CWF19L1: variants seen among roughly 807,000 people sequenced by gnomAD.
The protein encoded by CWF19L1 is CWF19 like cell cycle control factor 1, also known as CWF19-like protein 1.
A neutral mutation model predicts 69.7 loss-of-function variants in CWF19L1; 60 were observed. That is an observed-to-expected ratio of 0.86 (90% CI 0.70 to 1.07). CWF19L1 has a LOEUF of 1.07. Among genes scored for constraint, CWF19L1 ranks in the 50% least tolerant of loss-of-function variants. CWF19L1 has a pLI of 0.00. For synonymous variants in CWF19L1, 209 were observed against 222.2 expected, an observed-to-expected ratio of 0.94 and a Z score of 0.53; for missense variants, 591 against 638.9, an observed-to-expected ratio of 0.92 and a Z score of 0.81.
chr10:100,248,949 AG>A (rs1430822463), intron 7 of CWF19L1: 43 of 764,412 alleles, frequency 5.6e-5, no homozygotes, highest in Non-Finnish European at 5.8e-5. Flanking sequence ...TGGCCACCGC[AG>A]GGAACAGCCT....
Position 100,256,339 on chromosome 10 carries a change from T to C in CWF19L1, c.427A>G (p.Thr143Ala), listed in dbSNP as rs1847212553. 1 of 1,613,996 alleles carries C rather than the reference T, an allele frequency of 6.2e-7. No individual in the cohort carries two copies. Among genetic ancestry groups the C allele is most frequent in the Non-Finnish European group, 8.5e-7 (1 of 1,179,972 alleles). Reference protein sequence around the residue: ...VSSLRMMLCTTSQFKGVDILL... With the variant: ...VSSLRMMLCTASQFKGVDILL... ...ATATCAACACCCTTAAACTGGGAGG[T>C]TGTACACAGCATCATTCTCAGAGAA... Residue 143 changes from threonine (T) to alanine (A), a missense_variant, in exon 5 of 14, where the codon ACC becomes GCC. Physicochemically the swap from Thr to Ala is moderately conservative, Grantham distance 58. Coordinates refer to ENST00000354105, the MANE Select transcript of CWF19L1 (RefSeq NM_018294.6).
At position 100,243,732 on chromosome 10, in the gene CWF19L1, A is replaced by G. The variant is rs1846710848; in HGVS notation, c.1010T>C (p.Val337Ala). The change falls in exon 10 of 14, where the codon GTG becomes GCG. Residue 337 changes from valine to alanine, a missense_variant. Transcript: ENST00000354105. ...PCWFCLASPEVEKHLVVNIGT... is the reference protein window; with the variant it reads ...PCWFCLASPEAEKHLVVNIGT... The stretch of plus-strand genomic sequence containing the variant: ...GATGTTGACCACCAAATGTTTTTCC[A>G]CTTCAGGGCTAGCAAGGCAAAACCA... 1 of 1,614,186 alleles carries G rather than the reference A, an allele frequency of 6.2e-7. No individual in the cohort carries two copies. The highest frequency in any genetic ancestry group is 8.5e-7 in the Non-Finnish European group (1 of 1,180,006).
chr10:100,260,107 A>C, intron 4 of CWF19L1, 111 bp downstream of exon 4: 1 of 632,826 alleles, frequency 1.6e-6, no homozygotes, highest in Non-Finnish European at 2.8e-6. Flanking sequence ...GGTGGAGGTT[A>C]CAGTGAGCCA....
At chr10:100,238,857 G>T (rs956852392) in intron 10 of CWF19L1, among the ~76,000 whole-genome samples, 7 of 150,518 alleles carry the variant, frequency 4.7e-5, no homozygotes, top group African/African-American at 1.2e-4. Flanking sequence ...GCTTGAACCC[G>T]GGAGGCAGAG....
intron 7 of CWF19L1, chr10:100,248,412 C>G (rs7079072): frequency 0.46 from 333,856 of 723,502 alleles, 80,894 homozygotes; most frequent in African/African-American, 0.65. Context: ...CACTGTGGTA[C>G]GGGAAGGGAC....
rs544539108 is a variant in CWF19L1, at chr10:100,264,296, A to G, written c.24-2233T>C. Among the ~76,000 whole-genome samples, 88 of 152,372 alleles carry G rather than the reference A, an allele frequency of 5.8e-4. No individual in the cohort carries two copies. In the South Asian group the frequency reaches 0.014, roughly 24 times the overall value. On this transcript the variant is annotated intron_variant, in intron 1 of 13. Transcript: ENST00000354105. Reference sequence around the variant, plus strand: ...TGCGGTGGCTTACGCCTGTAATCCCAGCACTTTGGGAGGCCAAGGCGAGCG... The same window carrying G: ...TGCGGTGGCTTACGCCTGTAATCCCGGCACTTTGGGAGGCCAAGGCGAGCG...
chr10:100,262,447 ATC>A, intron 1 of CWF19L1: 1 of 985,250 alleles, frequency 1.0e-6, no homozygotes, highest in Non-Finnish European at 1.2e-6. Context: ...GACTCCTCCT[ATC>A]TTAGTACGAC....
chr10:100,263,788 TC>T (rs1268704984), intron 1 of CWF19L1, among the ~76,000 whole-genome samples: 9 of 152,194 alleles, frequency 5.9e-5, no homozygotes, highest in Admixed American at 5.2e-4. Context: ...TGATTTTACT[TC>T]CTTAATAAAC....
chr10:100,243,964 A>G (rs2134287378), intron 9 of CWF19L1, among the ~76,000 whole-genome samples, 187 bp from the exon 10 acceptor site: 1 of 152,360 alleles, frequency 6.6e-6, no homozygotes, highest in East Asian at 1.9e-4. Context: ...TTAAACTTCC[A>G]TTAGAATTTG....
chr10:100,266,345 A>ATT (rs67561203), intron 1 of CWF19L1, among the ~76,000 whole-genome samples: 1 of 143,784 alleles, frequency 7.0e-6, no homozygotes, highest in Admixed American at 6.9e-5. Flanking sequence ...CGCCCGGCTA[A>ATT]TTTTTTTTTT....
chr10:100,246,801 G>A lies in CWF19L1; in HGVS notation c.843C>T (p.Ala281=). Residue 281 remains alanine, a synonymous_variant, in exon 8 of 14, where the codon GCC becomes GCT. Coordinates refer to ENST00000354105, the MANE Select transcript of CWF19L1 (RefSeq NM_018294.6). ...QEASIGKQIL[A]PVEESACQFF... ...ACCCTCAATCAGAACATACCACAGGGGCAAGAATTTGCTTTCCTATGGATG... is the reference window on the plus strand; with the variant it reads ...ACCCTCAATCAGAACATACCACAGGAGCAAGAATTTGCTTTCCTATGGATG... The A allele has an allele frequency of 6.2e-7, 1 of 1,612,944 alleles. No individual in the cohort carries two copies. Among genetic ancestry groups the A allele is most frequent in the Non-Finnish European group, 8.5e-7 (1 of 1,179,258 alleles).
At chr10:100,245,672 G>T in intron 9 of CWF19L1, 127 bp downstream of exon 9, 1 of 673,868 alleles carries the variant, frequency 1.5e-6, no homozygotes, top group Non-Finnish European at 2.6e-6. Context: ...TTTACTGTTG[G>T]TCCTAATGAC....
Position 100,235,689 on chromosome 10 carries a change from T to G in CWF19L1, c.1450A>C (p.Asn484His). The change falls in exon 13 of 14, where the codon AAT becomes CAT. Residue 484 changes from asparagine (N) to histidine (H), a missense_variant. Asn to His is a moderately conservative substitution (Grantham distance 68). Coordinates refer to ENST00000354105, the MANE Select transcript of CWF19L1 (RefSeq NM_018294.6). The part of the protein sequence containing the change: ...GEKLFHRIKK[N>H]FPLQFGREVL... ...TACCTTCCAAACTGCAAAGGAAAAT[T>G]CTTTTTAATTCTGTGGAAAAGCTTT... 6.2e-7 allele frequency: 1 copy of G among 1,611,800 alleles called. No individual in the cohort carries two copies. The highest frequency in any genetic ancestry group is 8.5e-7 in the Non-Finnish European group (1 of 1,179,450).
At chr10:100,267,457 G>A (rs1452029095) in intron 1 of CWF19L1, 114 bp downstream of exon 1, 4 of 1,600,386 alleles carry the variant, frequency 2.5e-6, no homozygotes, top group Non-Finnish European at 2.6e-6. Context: ...GCAGCCCCGT[G>A]TCTCTCCGCC....
rs896646330 is a variant in CWF19L1, at chr10:100,261,919, C to T, written c.108+60G>A. Reference sequence around the variant, plus strand: ...CAATCAAGACTTAAAGGAGTGCAAACTTTATTTTTATGTGTGACTACAAAG... The same window carrying T: ...CAATCAAGACTTAAAGGAGTGCAAATTTTATTTTTATGTGTGACTACAAAG... On this transcript the variant is annotated intron_variant, in intron 2 of 13. Transcript: ENST00000354105. 5 of 1,472,236 alleles carry T rather than the reference C, an allele frequency of 3.4e-6. No individual in the cohort carries two copies. The Admixed American group carries it at 6.4e-5, about 19-fold the overall frequency. The allele number at this position is 1,472,236 out of a possible 1,614,324, so 91.2% of individuals were successfully genotyped here.
At chr10:100,248,223 A>C (rs1846895052) in intron 7 of CWF19L1, 3 of 766,280 alleles carry the variant, frequency 3.9e-6, no homozygotes, top group African/African-American at 1.7e-5. Flanking sequence ...TGGAGGTCAG[A>C]GTGGAAGCAG....
chr10:100,247,469 C>A (rs1262485530), intron 7 of CWF19L1, among the ~76,000 whole-genome samples: 1 of 152,188 alleles, frequency 6.6e-6, no homozygotes, highest in Non-Finnish European at 1.5e-5. Context: ...TATTTGGAAT[C>A]TTGCACTAAT....
intron 12 of CWF19L1, 78 bp downstream of exon 12, chr10:100,236,768 TCAAA>T (rs961467251): frequency 3.3e-4 from 494 of 1,499,782 alleles, no homozygotes; most frequent in Admixed American, 1.1e-3. Context: ...AGACTCTGTC[TCAAA>T]CAAACAAACA....
chr10:100,253,395 G>T, intron 6 of CWF19L1, 26 bp downstream of exon 6: 1 of 1,350,722 alleles, frequency 7.4e-7, no homozygotes. Context: ...TCTTCAAAAA[G>T]CCAAGAAGAA....
Sources: allele counts gnomAD v4.1 joint callset (sites outside exome capture counted in the v4.1 genomes callset), GRCh38; gene constraint gnomAD v4.1.1; transcripts MANE v1.5; gene names NCBI Gene and HGNC (gene_info 2026-07-23, HGNC 2026-07-21).